Variants in CPB1 observed in about 807,000 individuals in gnomAD.
CPB1 encodes the protein carboxypeptidase B.
Under a neutral mutation model 51.4 loss-of-function variants are expected in CPB1, and 53 were observed. That is an observed-to-expected ratio of 1.03 (90% CI 0.83 to 1.30). CPB1 has a LOEUF of 1.30. Ranked by LOEUF, CPB1 falls within the 50% of genes most tolerant of loss-of-function variation. CPB1 has a pLI of 0.00. For synonymous variants in CPB1, 189 were observed against 186.9 expected (o/e 1.01, Z -0.09); for missense variants, 494 against 516.2 (o/e 0.96, Z 0.42).
chr3:148,853,972 C>T (rs1206378710), intron 9 of CPB1, among the ~76,000 whole-genome samples: 1 of 152,150 alleles, frequency 6.6e-6, no homozygotes, highest in Non-Finnish European at 1.5e-5. Flanking sequence ...TGTAAGATGT[C>T]CCTCAAAAGG....
At chr3:148,841,727 C>T in intron 5 of CPB1, 96 bp from the exon 6 acceptor site, 1 of 840,664 alleles carries the variant, frequency 1.2e-6, no homozygotes, top group Non-Finnish European at 1.9e-6. Context: ...TGTCGGGTTT[C>T]ACTTGTTGAG....
rs984417976 is a variant in CPB1 at position 148,850,054 on chromosome 3, C to T, written c.981+4428C>T. On this transcript the variant is annotated intron_variant, in intron 9 of 10. Transcript: ENST00000282957. ...CTCTGGACATTAATAAAGATGTACT[C>T]TGGTTAGCTAAGATGACTAACTTCT... Among the ~76,000 whole-genome samples, 80 of 152,206 alleles carry T rather than the reference C, an allele frequency of 5.3e-4. 2 individuals carry two copies.
chr3:148,838,947 T>C (rs533403185), intron 3 of CPB1, among the ~76,000 whole-genome samples: 1 of 152,324 alleles, frequency 6.6e-6, no homozygotes, highest in Admixed American at 6.5e-5. Flanking sequence ...CTAAAATCAT[T>C]GTTCCTAACT....
chr3:148,851,334 C>CAAAAAAAAAAAAAA (rs59423779), intron 9 of CPB1: 4 of 82,084 alleles, frequency 4.9e-5, no homozygotes, highest in Admixed American at 1.6e-4. Flanking sequence ...GACCCTGTCT[C>CAAAAAAAAAAAAAA]AAAAAAAAAA....
chr3:148,855,311 TA>T (rs1261905277), intron 9 of CPB1: 2 of 152,060 alleles, frequency 1.3e-5, no homozygotes, highest in Admixed American at 6.6e-5. Context: ...ACAACCTTTT[TA>T]AGCTCACATC....
At chr3:148,838,279 A>T (rs1385750728) in intron 3 of CPB1, 4 of 152,084 alleles carry the variant, frequency 2.6e-5, no homozygotes, top group Admixed American at 2.6e-4. Context: ...AATAATAATG[A>T]TAATTTCAAC....
intron 9 of CPB1, chr3:148,850,947 T>G (rs1460701588): frequency 6.6e-6 from 1 of 152,212 alleles, no homozygotes; most frequent in Non-Finnish European, 1.5e-5. Context: ...TTTAATAAAC[T>G]AGTCATTTAT....
chr3:148,846,797 G>GTGTGTGTGTATATATA (rs1364486523), intron 9 of CPB1, among the ~76,000 whole-genome samples: 1 of 50,532 alleles, frequency 2.0e-5, no homozygotes, highest in Non-Finnish European at 4.3e-5. Flanking sequence ...GTGTGCGTGT[G>GTGTGTGTGTATATATA]TATATATATA....
Position 148,834,554 on chromosome 3 carries a change from C to A in CPB1, c.204C>A (p.Asp68Glu). ...VTQIKPHSTVDFRVKAEDTVT... is the reference protein window; with the variant it reads ...VTQIKPHSTVEFRVKAEDTVT... ...AAATCAAACCTCACAGTACAGTTGA[C>A]TTCCGTGTTAAAGCAGAAGATACTG... Residue 68 changes from aspartate to glutamate, a missense_variant, in exon 3 of 11, where the codon GAC (aspartate) becomes GAA (glutamate). By Grantham distance (45) the Asp-to-Glu change is conservative. Coordinates refer to ENST00000282957, the MANE Select transcript of CPB1 (RefSeq NM_001871.3). 2 of 1,613,588 alleles carry A rather than the reference C, an allele frequency of 1.2e-6. No individual in the cohort carries two copies. The highest frequency in any genetic ancestry group is 1.7e-6 in the Non-Finnish European group (2 of 1,179,512).
At chr3:148,841,423 T>C (rs1434753098) in intron 5 of CPB1, among the ~76,000 whole-genome samples, 1 of 152,200 alleles carries the variant, frequency 6.6e-6, no homozygotes, top group East Asian at 1.9e-4. Context: ...AGACAGGGAA[T>C]AAGTGAGAGA....
At chr3:148,841,042 A>G (rs573637311) in intron 5 of CPB1, 67 bp downstream of exon 5, 4 of 1,298,102 alleles carry the variant, frequency 3.1e-6, no homozygotes, top group South Asian at 2.5e-5. Context: ...TAACACATGA[A>G]CATCTGTTTC....
intron 9 of CPB1, among the ~76,000 whole-genome samples, chr3:148,853,540 G>A (rs1576574016): frequency 6.6e-6 from 1 of 152,280 alleles, no homozygotes; most frequent in African/African-American, 2.4e-5. Context: ...GCCTCATTTT[G>A]AGGAAACAGA....
intron 3 of CPB1, among the ~76,000 whole-genome samples, chr3:148,839,082 G>A (rs1712997395): frequency 6.6e-6 from 1 of 152,132 alleles, no homozygotes; most frequent in African/African-American, 2.4e-5. Context: ...GTTAAAATAG[G>A]GAGATTATTC....
chr3:148,835,711 G>A (rs1403336052), intron 3 of CPB1, among the ~76,000 whole-genome samples: 1 of 152,174 alleles, frequency 6.6e-6, no homozygotes, highest in Non-Finnish European at 1.5e-5. Flanking sequence ...ACATTCAAAT[G>A]TTTATCCGGC....
chr3:148,846,801 A>ATGTG (rs1207568432), intron 9 of CPB1, among the ~76,000 whole-genome samples: 27 of 37,646 alleles, frequency 7.2e-4, no homozygotes, highest in African/African-American at 2.6e-3. Flanking sequence ...GCGTGTGTAT[A>ATGTG]TATATATATA....
At position 148,840,688 on chromosome 3, in the gene CPB1, T is replaced by G. The variant is rs1349646409; in HGVS notation, c.275T>G (p.Val92Gly). 1.2e-6 allele frequency: 2 copies of G among 1,613,964 alleles called. No individual in the cohort carries two copies. Among genetic ancestry groups the G allele is most frequent in the Non-Finnish European group, 1.7e-6 (2 of 1,179,966 alleles). ...VLKQNELQYKVLISNLRNVVE... is the reference protein window; with the variant it reads ...VLKQNELQYKGLISNLRNVVE... ...ACACCCACTTTGGTTCGTTGCAGGG[T>G]ACTGATAAGCAACCTGAGAAATGTG... Residue 92 changes from valine (V) to glycine (G), a missense_variant and splice_region_variant, in exon 4 of 11, where the codon GTA (valine) becomes GGA (glycine). By Grantham distance (109) the Val-to-Gly change is moderately radical (BLOSUM62 -3). Transcript: ENST00000282957.
intron 6 of CPB1, among the ~76,000 whole-genome samples, chr3:148,843,413 T>A (rs921694847): frequency 2.0e-5 from 3 of 152,050 alleles, no homozygotes; most frequent in Non-Finnish European, 2.9e-5. Flanking sequence ...GTGAAGCACT[T>A]CCGTACATAT....
chr3:148,837,600 T>C (rs1712942174), intron 3 of CPB1, among the ~76,000 whole-genome samples: 1 of 152,134 alleles, frequency 6.6e-6, no homozygotes, highest in South Asian at 2.1e-4. Flanking sequence ...TCTTCTAGAA[T>C]GGAAGCTCAT....
At chr3:148,835,819 T>C (rs1712889017) in intron 3 of CPB1, among the ~76,000 whole-genome samples, 1 of 152,178 alleles carries the variant, frequency 6.6e-6, no homozygotes, top group African/African-American at 2.4e-5. Flanking sequence ...GTCTTAAAAA[T>C]GTAAAAGAAT....
Sources: gnomAD v4.1 joint callset for allele counts (sites outside exome capture counted in the v4.1 genomes callset) on GRCh38, gnomAD v4.1.1 for gene constraint, MANE v1.5 for transcripts, NCBI Gene and HGNC (gene_info 2026-07-23, HGNC 2026-07-21) for gene names.